TIMM9: variants seen among roughly 807,000 people sequenced by gnomAD.
TIMM9 encodes translocase of inner mitochondrial membrane 9, also known as mitochondrial import inner membrane translocase subunit Tim9.
A neutral mutation model predicts 13.4 loss-of-function variants in TIMM9; 10 were observed. The observed-to-expected ratio is 0.75, with a 90% confidence interval of 0.46 to 1.26. The LOEUF is 1.26. Among genes scored for constraint, TIMM9 ranks in the 50% most tolerant of loss-of-function variants. The probability of loss-of-function intolerance (pLI) is 0.00; values close to 1 mark genes in which losing one functional copy is unlikely to be tolerated. For synonymous variants in TIMM9, 32 were observed against 32.1 expected (o/e 1.00, Z 0.01); for missense variants, 87 against 100.8 (o/e 0.86, Z 0.58).
intron 3 of TIMM9, among the ~76,000 whole-genome samples, chr14:58,422,146 G>A (rs1445899943): frequency 7.0e-6 from 1 of 142,262 alleles, no homozygotes; most frequent in Non-Finnish European, 1.5e-5. Flanking sequence ...CGGAGTTTTC[G>A]CTCTTGTTGC....
intron 3 of TIMM9, among the ~76,000 whole-genome samples, chr14:58,412,317 T>C (rs2036246429): frequency 1.3e-5 from 2 of 152,188 alleles, no homozygotes; most frequent in Non-Finnish European, 2.9e-5. Flanking sequence ...AATTTTTGTA[T>C]TTTTAGTAGA....
intron 3 of TIMM9, among the ~76,000 whole-genome samples, chr14:58,414,729 G>A (rs1700941548): frequency 1.3e-5 from 1 of 79,536 alleles, no homozygotes; most frequent in African/African-American, 5.0e-5. Context: ...ATAGTGAGAC[G>A]CCATCTCAAA....
intron 3 of TIMM9, 71 bp from the exon 4 acceptor site, chr14:58,412,042 G>T: frequency 9.2e-7 from 1 of 1,086,094 alleles, no homozygotes. Context: ...AAGAGTTAGG[G>T]AATCACTGCT....
At chr14:58,410,233 G>A (rs2140311706) in intron 5 of TIMM9, among the ~76,000 whole-genome samples, 1 of 152,068 alleles carries the variant, frequency 6.6e-6, no homozygotes, top group Admixed American at 6.6e-5. Context: ...AACATGTCTA[G>A]CTAATTTTTT....
Position 58,427,411 on chromosome 14 carries a change from G to A in TIMM9, c.-323C>T, listed in dbSNP as rs767274774. ...ATTTACCTAATCCCACGTCCCTAACGGTCTTCGGAAGCGAAGCAGTGTCAA... is the reference window on the plus strand; with the variant it reads ...ATTTACCTAATCCCACGTCCCTAACAGTCTTCGGAAGCGAAGCAGTGTCAA... On this transcript the variant is annotated 5_prime_UTR_variant, in exon 1 of 6. Coordinates refer to ENST00000395159, the MANE Select transcript of TIMM9 (RefSeq NM_012460.4). 5.3e-5 allele frequency: 30 copies of A among 567,420 alleles called. No individual in the cohort carries two copies. The highest frequency in any genetic ancestry group is 8.6e-5 in the Non-Finnish European group (28 of 323,718). 35.1% of individuals were successfully genotyped at this position (567,420 alleles called of 1,614,324 possible).
chr14:58,422,927 G>A (rs897334737), intron 3 of TIMM9, among the ~76,000 whole-genome samples: 1 of 151,916 alleles, frequency 6.6e-6, no homozygotes, highest in African/African-American at 2.4e-5. Context: ...TTGTGCCTCA[G>A]CCTCCTGAGT....
chr14:58,411,852 A>T, intron 4 of TIMM9, 55 bp downstream of exon 4: 1 of 1,522,232 alleles, frequency 6.6e-7, no homozygotes, highest in Non-Finnish European at 9.1e-7. Flanking sequence ...TGGTGGCATT[A>T]GTAGCACCTT....
chr14:58,410,862 C>T lies in TIMM9; in HGVS notation c.116G>A (p.Arg39Lys). ...TCATACCTCTTCAGGTTTTACTTCT[C>T]TTGTTGTGAAGTCTTTAACACAGTC... Reference protein sequence around the residue: ...FLDCVKDFTTREVKPEETTCS... With the variant: ...FLDCVKDFTTKEVKPEETTCS... Residue 39 changes from arginine (R) to lysine (K), a missense_variant, in exon 5 of 6, where the codon AGA becomes AAA. By Grantham distance (26) the Arg-to-Lys change is conservative (BLOSUM62 2). Coordinates refer to ENST00000395159, the MANE Select transcript of TIMM9 (RefSeq NM_012460.4). 1 of 1,609,380 alleles carries T rather than the reference C, an allele frequency of 6.2e-7. No individual in the cohort carries two copies. Among genetic ancestry groups the T allele is most frequent in the African/African-American group, 1.3e-5 (1 of 74,780 alleles).
chr14:58,423,778 T>C lies in TIMM9; in HGVS notation c.-27+230A>G, dbSNP rs1045858701. 3 of 152,208 alleles carry C rather than the reference T, an allele frequency of 2.0e-5. No homozygotes were observed. In the East Asian group the frequency reaches 5.8e-4, roughly 29 times the overall value. The allele number at this position is 152,208 out of a possible 1,614,324, so 9.4% of individuals were successfully genotyped here. ...TTCTTTTATTTGATCCTAGTTTCCA[T>C]ATATTACAGCAAATTTATGTTACTG... On this transcript the variant is annotated intron_variant, in intron 3 of 5. Coordinates refer to ENST00000395159, the MANE Select transcript of TIMM9 (RefSeq NM_012460.4).
rs1178199575 is a variant in TIMM9, at chr14:58,409,079, A to T, written c.225T>A (p.Asn75Lys). The change falls in exon 6 of 6, where the codon AAT becomes AAA. Residue 75 changes from asparagine to lysine, a missense_variant. Transcript: ENST00000395159. ...MRFQEYHIQQ[N>K]EALAAKAGLL... ...GTCCTGCTTTGGCTGCCAGGGCTTC[A>T]TTCTGCTGAATATGATATTCCTGAA... The T allele has an allele frequency of 1.2e-6, 2 of 1,614,000 alleles. No individual in the cohort carries two copies. The highest frequency in any genetic ancestry group is 2.2e-5 in the South Asian group (2 of 91,050).
At chr14:58,414,282 G>A (rs938883194) in intron 3 of TIMM9, among the ~76,000 whole-genome samples, 6 of 151,844 alleles carry the variant, frequency 4.0e-5, no homozygotes, top group African/African-American at 7.3e-5. Context: ...TATGAAGTTC[G>A]TTGAAACTAG....
chr14:58,425,156 A>T (rs777160688), intron 2 of TIMM9, among the ~76,000 whole-genome samples: 5 of 152,146 alleles, frequency 3.3e-5, no homozygotes, highest in Non-Finnish European at 7.4e-5. Context: ...CACGCCTGTA[A>T]TCCCAGCACT....
intron 2 of TIMM9, among the ~76,000 whole-genome samples, chr14:58,424,448 G>C (rs2036677335): frequency 1.3e-5 from 2 of 152,082 alleles, no homozygotes; most frequent in South Asian, 4.1e-4. Flanking sequence ...AAGGTCTTTG[G>C]ACTTCAAAAT....
At chr14:58,419,342 T>C (rs2036513258) in intron 3 of TIMM9, among the ~76,000 whole-genome samples, 1 of 150,260 alleles carries the variant, frequency 6.7e-6, no homozygotes, top group Non-Finnish European at 1.5e-5. Context: ...GTAGTCCCAG[T>C]TACCTGGGAG....
intron 3 of TIMM9, among the ~76,000 whole-genome samples, chr14:58,412,696 T>C (rs1423555050): frequency 6.6e-6 from 1 of 151,858 alleles, no homozygotes; most frequent in African/African-American, 2.4e-5. Flanking sequence ...AGGTCAGGAG[T>C]TCAAAACCAG....
At chr14:58,412,021 T>C in intron 3 of TIMM9, 50 bp from the exon 4 acceptor site, 2 of 1,405,554 alleles carry the variant, frequency 1.4e-6, no homozygotes, top group South Asian at 1.2e-5. Flanking sequence ...CAAATGTTTT[T>C]AGTCTAACTG....
At chr14:58,412,807 A>G (rs939892281) in intron 3 of TIMM9, among the ~76,000 whole-genome samples, 1 of 152,126 alleles carries the variant, frequency 6.6e-6, no homozygotes, top group Admixed American at 6.5e-5. Context: ...AAGCTGAGGC[A>G]GGAGAATCGC....
intron 3 of TIMM9, among the ~76,000 whole-genome samples, chr14:58,413,835 G>A (rs777882332): frequency 6.0e-5 from 9 of 150,998 alleles, no homozygotes; most frequent in South Asian, 4.2e-4. Context: ...GTGAAACCCC[G>A]TCTTTACTAA....
At chr14:58,419,274 C>T (rs995349173) in intron 3 of TIMM9, among the ~76,000 whole-genome samples, 1 of 152,072 alleles carries the variant, frequency 6.6e-6, no homozygotes, top group East Asian at 1.9e-4. Context: ...GGCAACACAG[C>T]GAGACCTTGT....
Sources: gnomAD v4.1 joint callset for allele counts (sites outside exome capture counted in the v4.1 genomes callset) on GRCh38, gnomAD v4.1.1 for gene constraint, MANE v1.5 for transcripts, NCBI Gene and HGNC (gene_info 2026-07-23, HGNC 2026-07-21) for gene names.